HPGDS: variants seen among roughly 807,000 people sequenced by gnomAD.
The protein encoded by HPGDS is GST class-sigma.
HPGDS carries 26 observed loss-of-function variants against 23.1 expected under a neutral mutation model. The ratio of observed to expected loss-of-function variants is 1.13; its 90% CI spans 0.83 to 1.56. The LOEUF (loss-of-function observed/expected upper bound fraction) is 1.56. Ranked by LOEUF, HPGDS falls within the 40% of genes most tolerant of loss-of-function variation. The probability of loss-of-function intolerance (pLI) is 0.00; values close to 1 mark genes in which losing one functional copy is unlikely to be tolerated. For missense variants in HPGDS, 268 were observed against 236.4 expected, an observed-to-expected ratio of 1.13 and a Z score of -0.88; for synonymous variants, 95 against 77.9, an observed-to-expected ratio of 1.22 and a Z score of -1.16.
At chr4:94,303,148 C>T (rs921074859) in intron 4 of HPGDS, among the ~76,000 whole-genome samples, 4 of 152,020 alleles carry the variant, frequency 2.6e-5, no homozygotes, top group Non-Finnish European at 5.9e-5. Flanking sequence ...GATTTACTTG[C>T]TGTTATGATT....
intron 3 of HPGDS, among the ~76,000 whole-genome samples, chr4:94,313,799 T>A (rs1197305973): frequency 1.3e-5 from 2 of 152,240 alleles, no homozygotes; most frequent in African/African-American, 4.8e-5. Flanking sequence ...TTTGGTCTTT[T>A]CACATAGTCC....
At chr4:94,309,176 T>C (rs966619834) in intron 3 of HPGDS, among the ~76,000 whole-genome samples, 6 of 151,300 alleles carry the variant, frequency 4.0e-5, no homozygotes, top group African/African-American at 1.5e-4. Context: ...AACATTCAGG[T>C]TTGTTACATA....
chr4:94,322,159 G>T (rs561249022), intron 2 of HPGDS, among the ~76,000 whole-genome samples: 2 of 152,012 alleles, frequency 1.3e-5, no homozygotes, highest in African/African-American at 4.8e-5. Context: ...TGCTGGATTC[G>T]GTTTGCCAGT....
intron 1 of HPGDS, among the ~76,000 whole-genome samples, chr4:94,341,999 G>A (rs964926650): frequency 2.0e-5 from 3 of 152,188 alleles, no homozygotes; most frequent in African/African-American, 7.2e-5. Context: ...GGCATTTCAA[G>A]TTCAATTCTG....
At chr4:94,336,385 G>T (rs775925221) in intron 1 of HPGDS, among the ~76,000 whole-genome samples, 5 of 152,072 alleles carry the variant, frequency 3.3e-5, no homozygotes, top group Non-Finnish European at 5.9e-5. Context: ...AGGAAGTGAC[G>T]GTGATGGTAA....
At chr4:94,315,460 G>C (rs1473957752) in intron 3 of HPGDS, among the ~76,000 whole-genome samples, 7 of 152,104 alleles carry the variant, frequency 4.6e-5, no homozygotes, top group Non-Finnish European at 8.8e-5. Context: ...TCTGACTGGA[G>C]ACTAAAATTT....
At chr4:94,307,732 G>A (rs1203017231) in intron 4 of HPGDS, among the ~76,000 whole-genome samples, 1 of 152,120 alleles carries the variant, frequency 6.6e-6, no homozygotes. Flanking sequence ...GTATTGGCAG[G>A]CTATTGGATA....
At chr4:94,300,345 G>A (rs1302855319) in intron 5 of HPGDS, among the ~76,000 whole-genome samples, 1 of 152,214 alleles carries the variant, frequency 6.6e-6, no homozygotes, top group Non-Finnish European at 1.5e-5. Flanking sequence ...AGTGATGACA[G>A]CCTGGTCCTA....
intron 1 of HPGDS, among the ~76,000 whole-genome samples, chr4:94,338,135 A>G (rs2126046833): frequency 6.6e-6 from 1 of 152,336 alleles, no homozygotes; most frequent in East Asian, 1.9e-4. Flanking sequence ...TTAAAAGAGA[A>G]AAATCAGGCC....
At position 94,299,551 on chromosome 4, in the gene HPGDS, A is replaced by G. The variant is rs1226968999; in HGVS notation, c.529T>C (p.Leu177=). Reference sequence around the variant, plus strand: ...GGAATGGCTTGGACTTTCTTCCGTAAAGTCACCAGCCTTGGATGGTTGTCT... The same window carrying G: ...GGAATGGCTTGGACTTTCTTCCGTAGAGTCACCAGCCTTGGATGGTTGTCT... ...LLDNHPRLVT[L]RKKVQAIPAV... is the part of the protein sequence containing the mutation. The change falls in exon 6 of 6, where the codon TTA becomes CTA. Residue 177 remains leucine (L), a synonymous_variant. Coordinates refer to ENST00000295256, the MANE Select transcript of HPGDS (RefSeq NM_014485.3). The G allele has an allele frequency of 1.2e-6, 2 of 1,613,958 alleles. No individual in the cohort carries two copies. Among genetic ancestry groups the G allele is most frequent in the Non-Finnish European group, 1.7e-6 (2 of 1,180,010 alleles).
At chr4:94,330,248 G>C (rs957618753) in intron 2 of HPGDS, among the ~76,000 whole-genome samples, 5 of 152,210 alleles carry the variant, frequency 3.3e-5, no homozygotes, top group African/African-American at 1.2e-4. Context: ...AAGAAGTAGA[G>C]TCAGGGATGG....
chr4:94,310,127 T>G (rs1756232434), intron 3 of HPGDS, among the ~76,000 whole-genome samples: 2 of 152,204 alleles, frequency 1.3e-5, no homozygotes, highest in Non-Finnish European at 2.9e-5. Context: ...AGAAGCTCTT[T>G]AGTTTAATTA....
chr4:94,306,568 G>A (rs918675597), intron 4 of HPGDS, among the ~76,000 whole-genome samples: 4 of 152,074 alleles, frequency 2.6e-5, no homozygotes, highest in African/African-American at 9.7e-5. Context: ...TGGGGTTAAG[G>A]AGGTTTGGGA....
chr4:94,322,259 G>T (rs1305643525), intron 2 of HPGDS, among the ~76,000 whole-genome samples: 2 of 152,154 alleles, frequency 1.3e-5, no homozygotes, highest in Non-Finnish European at 2.9e-5. Flanking sequence ...TTTGGTATCA[G>T]GGTGATGCTG....
chr4:94,318,057 G>A (rs1756431543), intron 2 of HPGDS, 92 bp from the exon 3 acceptor site: 1 of 693,460 alleles, frequency 1.4e-6, no homozygotes, highest in Non-Finnish European at 2.5e-6. Context: ...AACAAAGCAT[G>A]ATTTTATGGA....
At chr4:94,342,160 T>C (rs1331824006) in intron 1 of HPGDS, among the ~76,000 whole-genome samples, 1 of 151,614 alleles carries the variant, frequency 6.6e-6, no homozygotes, top group Non-Finnish European at 1.5e-5. Context: ...TTTTATCAAA[T>C]ATCAACTAAA....
intron 2 of HPGDS, among the ~76,000 whole-genome samples, chr4:94,319,563 T>C (rs1756462194): frequency 6.6e-6 from 1 of 152,224 alleles, no homozygotes; most frequent in Non-Finnish European, 1.5e-5. Context: ...TGGTTATCTA[T>C]AGTAATAACT....
Position 94,308,730 on chromosome 4 carries a change from G to T in HPGDS, c.240C>A (p.Asn80Lys), listed in dbSNP as rs1756192058. The T allele has an allele frequency of 3.8e-6, 6 of 1,586,888 alleles. No individual in the cohort carries two copies. The highest frequency in any genetic ancestry group is 2.2e-5 in the South Asian group (2 of 89,488). ...YLTKNTDLAGNTEMEQCHVDA... is the reference protein window; with the variant it reads ...YLTKNTDLAGKTEMEQCHVDA... Reference sequence around the variant, plus strand: ...CAACATGACATTGTTCCATTTCTGTGTTTCCAGCCAAATCTGTGGAATAGA... The same window carrying T: ...CAACATGACATTGTTCCATTTCTGTTTTTCCAGCCAAATCTGTGGAATAGA... Residue 80 changes from asparagine to lysine, a missense_variant, in exon 4 of 6, where the codon AAC becomes AAA. Physicochemically the swap from Asn to Lys is moderately conservative, Grantham distance 94. Transcript: ENST00000295256.
intron 2 of HPGDS, among the ~76,000 whole-genome samples, chr4:94,319,368 AT>A (rs959862247): frequency 1.3e-5 from 2 of 151,868 alleles, no homozygotes; most frequent in African/African-American, 2.4e-5. Flanking sequence ...TTTATGGAAT[AT>A]TTTTTTCCAT....
Sources: allele counts gnomAD v4.1 joint callset (sites outside exome capture counted in the v4.1 genomes callset), GRCh38; gene constraint gnomAD v4.1.1; transcripts MANE v1.5; gene names NCBI Gene and HGNC (gene_info 2026-07-23, HGNC 2026-07-21).